Variants in ACVR2A observed in about 807,000 individuals in gnomAD.
ACVR2A encodes activin A receptor type 2A.
Under a neutral mutation model 61.4 loss-of-function variants are expected in ACVR2A, and 7 were observed. That is an observed-to-expected ratio of 0.11 (90% confidence interval 0.06 to 0.21). The LOEUF is 0.21. Among genes scored for constraint, ACVR2A ranks in the 10% least tolerant of loss-of-function variants. The pLI, the probability that ACVR2A is intolerant of heterozygous loss-of-function variation, is 1.00. For missense variants in ACVR2A, 322 were observed against 621.7 expected (o/e 0.52, Z 5.13); for synonymous variants, 193 against 208.3 (o/e 0.93, Z 0.63).
Position 147,929,019 on chromosome 2 carries a change from G to A in ACVR2A, c.*1745G>A, listed in dbSNP as rs1260188835. 1.3e-5 allele frequency: 2 copies of A among 152,328 alleles called. No individual in the cohort carries two copies. The highest frequency in any genetic ancestry group is 2.4e-5 in the African/African-American group (1 of 41,392). The allele number at this position is 152,328 out of a possible 1,614,324, so 9.4% of individuals were successfully genotyped here. On this transcript the variant is annotated 3_prime_UTR_variant, in exon 11 of 11. Coordinates refer to ENST00000241416, the MANE Select transcript of ACVR2A (RefSeq NM_001616.5). ...ACAGTACACTACATTTTACATATAT[G>A]TACGTAATCTCTGGGAATAGTAAAT...
At chr2:147,850,476 CTT>C (rs924855116) in intron 1 of ACVR2A, among the ~76,000 whole-genome samples, 11 of 152,036 alleles carry the variant, frequency 7.2e-5, no homozygotes, top group African/African-American at 2.7e-4. Context: ...TTCCTTAACT[CTT>C]TGCTGCTTCA....
chr2:147,878,425 T>G (rs1333352863), intron 1 of ACVR2A, among the ~76,000 whole-genome samples: 1 of 151,820 alleles, frequency 6.6e-6, no homozygotes, highest in Non-Finnish European at 1.5e-5. Flanking sequence ...AGACATGACT[T>G]TTACAAATAA....
chr2:147,902,591 A>C (rs1325801786), intron 4 of ACVR2A, among the ~76,000 whole-genome samples: 3 of 152,108 alleles, frequency 2.0e-5, no homozygotes, highest in African/African-American at 7.2e-5. Context: ...GGGCATATTC[A>C]TGTGTTTTCC....
intron 1 of ACVR2A, among the ~76,000 whole-genome samples, chr2:147,880,122 A>C (rs143606922): frequency 6.6e-6 from 1 of 152,296 alleles, no homozygotes; most frequent in East Asian, 1.9e-4. Flanking sequence ...TTACTTTCTA[A>C]GGTATCATTA....
rs1388619826 is a variant in ACVR2A, at chr2:147,925,989, A to AT, written c.1217-38dup. 1.9e-6 allele frequency: 3 copies of AT among 1,585,710 alleles called. No homozygotes were observed. The African/African-American group carries it at 4.1e-5, about 22-fold the overall frequency. ...TTGTACCAGTTTGAAAGTCAGGAGG[A>AT]TTTTAATGAAAATGATTTATTTTAC... is the stretch of plus-strand genomic sequence containing the variant. On this transcript the variant is annotated intron_variant, in intron 9 of 10. Coordinates refer to ENST00000241416, the MANE Select transcript of ACVR2A (RefSeq NM_001616.5).
intron 1 of ACVR2A, among the ~76,000 whole-genome samples, chr2:147,878,487 G>C (rs1431935006): frequency 2.0e-5 from 3 of 151,698 alleles, no homozygotes; most frequent in Admixed American, 2.0e-4. Flanking sequence ...CTATGAACTA[G>C]ATTTAGATAT....
At chr2:147,866,454 C>G (rs537295935) in intron 1 of ACVR2A, among the ~76,000 whole-genome samples, 3 of 152,030 alleles carry the variant, frequency 2.0e-5, no homozygotes, top group Non-Finnish European at 4.4e-5. Context: ...GTTCAGGGAC[C>G]GTACTTTCAG....
At chr2:147,860,070 G>C (rs1215239006) in intron 1 of ACVR2A, among the ~76,000 whole-genome samples, 3 of 152,136 alleles carry the variant, frequency 2.0e-5, no homozygotes, top group Admixed American at 1.3e-4. Flanking sequence ...GGTGTGAAGA[G>C]AATGGTTAGG....
At chr2:147,854,469 T>C (rs1164289923) in intron 1 of ACVR2A, among the ~76,000 whole-genome samples, 3 of 152,218 alleles carry the variant, frequency 2.0e-5, no homozygotes, top group African/African-American at 7.2e-5. Flanking sequence ...ACAAAGCTAT[T>C]CAATGACTGT....
intron 1 of ACVR2A, among the ~76,000 whole-genome samples, chr2:147,872,975 A>G (rs1001110230): frequency 2.0e-4 from 31 of 151,938 alleles, no homozygotes; most frequent in Non-Finnish European, 4.3e-4. Context: ...AGCTGTGCCT[A>G]TTTGTTTGAC....
chr2:147,862,559 C>A (rs1394017008), intron 1 of ACVR2A, among the ~76,000 whole-genome samples: 2 of 152,078 alleles, frequency 1.3e-5, no homozygotes, highest in Non-Finnish European at 2.9e-5. Context: ...GCCTGGCCAA[C>A]ATGGTGCAAC....
chr2:147,859,299 A>G (rs1685665612), intron 1 of ACVR2A, among the ~76,000 whole-genome samples: 1 of 151,994 alleles, frequency 6.6e-6, no homozygotes, highest in Non-Finnish European at 1.5e-5. Context: ...TTTGCATCCT[A>G]GGAAATACTC....
chr2:147,893,370 G>A (rs1419589885), intron 1 of ACVR2A, among the ~76,000 whole-genome samples: 4 of 152,164 alleles, frequency 2.6e-5, no homozygotes, highest in East Asian at 1.9e-4. Context: ...ATGGACTTAT[G>A]TTTTTATCTC....
At chr2:147,846,911 C>T (rs531274691) in intron 1 of ACVR2A, among the ~76,000 whole-genome samples, 24 of 152,226 alleles carry the variant, frequency 1.6e-4, no homozygotes, top group African/African-American at 5.8e-4. Context: ...ATTATTCCCT[C>T]TCAAACCCAC....
In ACVR2A at chr2:147,865,526, A is replaced by G. The variant is rs952696102; in HGVS notation, c.55+20319A>G. 2.0e-5 allele frequency among the ~76,000 whole-genome samples: 3 copies of G among 152,314 alleles called. No individual in the cohort carries two copies. In the South Asian group the frequency reaches 6.2e-4, roughly 32 times the overall value. On this transcript the variant is annotated intron_variant, in intron 1 of 10. Transcript: ENST00000241416. ...GTAGCCCCTTGCTACCTCAGTATTC[A>G]TTCTGCCCATCCTTTTTGTGTTGCT...
intron 7 of ACVR2A, among the ~76,000 whole-genome samples, chr2:147,919,901 C>G (rs1687339354): frequency 6.6e-6 from 1 of 152,120 alleles, no homozygotes. Flanking sequence ...GTTTGCAAAT[C>G]AGAACTCTGA....
intron 4 of ACVR2A, among the ~76,000 whole-genome samples, chr2:147,903,274 A>G (rs762040530): frequency 8.0e-5 from 12 of 149,560 alleles, no homozygotes; most frequent in Non-Finnish European, 1.2e-4. Flanking sequence ...CATAAGTCCT[A>G]TATTTCTGTC....
At chr2:147,920,717 C>G (rs1165148138) in intron 8 of ACVR2A, among the ~76,000 whole-genome samples, 1 of 152,196 alleles carries the variant, frequency 6.6e-6, no homozygotes, top group African/African-American at 2.4e-5. Flanking sequence ...ACTGTCCTTA[C>G]TACAGTGTAT....
chr2:147,906,818 A>AT (rs369876665), intron 4 of ACVR2A, among the ~76,000 whole-genome samples: 43,507 of 123,346 alleles, frequency 0.35, 8,004 homozygotes, highest in South Asian at 0.49. Context: ...TATCAAGTCC[A>AT]TTTTTTTTTT....
Sources: gnomAD v4.1 joint callset for allele counts (sites outside exome capture counted in the v4.1 genomes callset) on GRCh38, gnomAD v4.1.1 for gene constraint, MANE v1.5 for transcripts, NCBI Gene and HGNC (gene_info 2026-07-23, HGNC 2026-07-21) for gene names.